Variants in PFKFB4 observed in about 807,000 individuals in gnomAD.
PFKFB4 encodes the protein 6-phosphofructo-2-kinase/fructose-2,6-biphosphatase 4, also known as 6-phosphofructo-2-kinase/fructose-2,6-bisphosphatase 4.
A neutral mutation model predicts 62.8 loss-of-function variants in PFKFB4; 42 were observed. The ratio of observed to expected loss-of-function variants is 0.67; its 90% CI spans 0.52 to 0.86. PFKFB4 has a LOEUF of 0.86. Ranked by LOEUF, PFKFB4 falls within the 40% of genes least tolerant of loss-of-function variation. PFKFB4 has a pLI of 0.00. For missense variants in PFKFB4, 475 were observed against 627.2 expected (o/e 0.76, Z 2.59); for synonymous variants, 204 against 240.7 (o/e 0.85, Z 1.41).
In PFKFB4 at chr3:48,550,055, CT is replaced by C. The variant is rs765685765; in HGVS notation, c.214+62del. ...CCAGGCCAAATAATAGAGAATAGGCCTTCTCTATTCTCTTCGTCATGCCCCA... is the reference window on the plus strand; with the variant it reads ...CCAGGCCAAATAATAGAGAATAGGCCTCTCTATTCTCTTCGTCATGCCCCA... On this transcript the variant is annotated intron_variant, in intron 2 of 13. Coordinates refer to ENST00000232375, the MANE Select transcript of PFKFB4 (RefSeq NM_004567.4). 150 of 1,404,558 alleles carry C rather than the reference CT, an allele frequency of 1.1e-4. 1 individual carries two copies. The highest frequency in any genetic ancestry group is 1.1e-3 in the Middle Eastern group (6 of 5,670). 87.0% of individuals were successfully genotyped at this position (1,404,558 alleles called of 1,614,324 possible). A position where few individuals can be genotyped will look rare whatever the true frequency, so the allele number is the denominator to read the frequency against.
At chr3:48,553,783 C>A (rs948657768) in intron 1 of PFKFB4, among the ~76,000 whole-genome samples, 1 of 152,338 alleles carries the variant, frequency 6.6e-6, no homozygotes, top group Middle Eastern at 3.4e-3. Context: ...AATAAAGTAA[C>A]GTGCCATGGA....
chr3:48,522,998 T>A (rs1377128891), intron 12 of PFKFB4, among the ~76,000 whole-genome samples: 1 of 151,880 alleles, frequency 6.6e-6, no homozygotes, highest in Non-Finnish European at 1.5e-5. Context: ...CTTGACCTCG[T>A]GATCCACCCA....
chr3:48,561,314 G>A (rs1162481417), upstream of PFKFB4: 3 of 278,678 alleles, frequency 1.1e-5, no homozygotes, highest in Non-Finnish European at 2.1e-5. This position sits in a 1 kb window ranked among gnomAD's most constrained non-coding sequence, Gnocchi z 5.2. Context: ...AGCCGGCCAC[G>A]CTGTGGCCAG....
At chr3:48,559,897 ACC>A (rs1491368006), upstream of PFKFB4, 20 of 144,404 alleles carry the variant, frequency 1.4e-4, no homozygotes, top group African/African-American at 7.9e-4. Flanking sequence ...AAACCATCCC[ACC>A]ACACACACAC....
At chr3:48,542,825 G>C (rs1215731624) in intron 4 of PFKFB4, among the ~76,000 whole-genome samples, 2 of 152,090 alleles carry the variant, frequency 1.3e-5, no homozygotes, top group African/African-American at 2.4e-5. Flanking sequence ...CAAATGTGAG[G>C]ATTAAAAAAA....
At chr3:48,540,407 G>A (rs924988000) in intron 4 of PFKFB4, among the ~76,000 whole-genome samples, 3 of 152,158 alleles carry the variant, frequency 2.0e-5, no homozygotes, top group South Asian at 2.1e-4. Flanking sequence ...AGGTGGGGAC[G>A]AAATGGGAGG....
intron 12 of PFKFB4, among the ~76,000 whole-genome samples, chr3:48,523,319 G>A (rs553778673): frequency 6.3e-4 from 96 of 152,302 alleles, no homozygotes; most frequent in African/African-American, 2.1e-3. Flanking sequence ...GGGAGGTGGA[G>A]GTTGTAGTGA....
chr3:48,549,338 A>G (rs569535099), intron 3 of PFKFB4, among the ~76,000 whole-genome samples: 2 of 152,226 alleles, frequency 1.3e-5, no homozygotes, highest in East Asian at 3.9e-4. Flanking sequence ...CATGCTCCAA[A>G]TACACAGGAG....
At position 48,536,460 on chromosome 3, in the gene PFKFB4, G is replaced by A; in HGVS notation, c.636C>T (p.Asp212=). 2 of 1,604,202 alleles carry A rather than the reference G, an allele frequency of 1.2e-6. No individual in the cohort carries two copies. Among genetic ancestry groups the A allele is most frequent in the South Asian group, 1.1e-5 (1 of 90,950 alleles). Residue 212 remains aspartate (D), a synonymous_variant, in exon 8 of 14, where the codon GAC becomes GAT. Transcript: ENST00000232375. ...CATCCATGATCTTGATATAGGACAG[G>A]TCCCTGTCCAGAGAGAAAGTAGAAA... ...YESLDEDLDR[D]LSYIKIMDVG... is the part of the protein sequence containing the mutation.
At chr3:48,559,215 C>T (rs771329541), upstream of PFKFB4, among the ~76,000 whole-genome samples, 2 of 152,256 alleles carry the variant, frequency 1.3e-5, no homozygotes, top group African/African-American at 2.4e-5. Flanking sequence ...CTACCCGTGG[C>T]TGACCCAGGC....
intron 3 of PFKFB4, 119 bp downstream of exon 3, chr3:48,549,745 A>G (rs2043073424): frequency 1.4e-6 from 1 of 713,622 alleles, no homozygotes; most frequent in Admixed American, 2.0e-5. Context: ...GGAGTAGCTC[A>G]GTCATTCACC....
At position 48,534,065 on chromosome 3, in the gene PFKFB4, A is replaced by G. The variant is rs561367388; in HGVS notation, c.987+1447T>C. Among the ~76,000 whole-genome samples the G allele has an allele frequency of 2.0e-5, 3 of 152,366 alleles. No homozygotes were observed. The South Asian group carries it at 6.2e-4, about 32-fold the overall frequency. On this transcript the variant is annotated intron_variant, in intron 9 of 13. Transcript: ENST00000232375. ...ACAAAATGAAATTCCTGGAGCTTCA[A>G]AACACCACATCTGATATGAAAAGTT...
chr3:48,546,053 G>A (rs191853465), intron 3 of PFKFB4, among the ~76,000 whole-genome samples: 1 of 152,198 alleles, frequency 6.6e-6, no homozygotes, highest in African/African-American at 2.4e-5. Context: ...GTGCAAATGG[G>A]GTGAAGAGAT....
chr3:48,522,416 G>A (rs969799213), intron 12 of PFKFB4, among the ~76,000 whole-genome samples: 8 of 152,222 alleles, frequency 5.3e-5, no homozygotes, highest in Non-Finnish European at 7.3e-5. Context: ...CCAGTCAACC[G>A]TGTGCCAGGT....
At chr3:48,539,608 C>G (rs1238157384) in intron 5 of PFKFB4, 89 bp downstream of exon 5, 1 of 1,085,786 alleles carries the variant, frequency 9.2e-7, no homozygotes, top group African/African-American at 1.6e-5. Context: ...GCCCCATGCC[C>G]CTCATGCATA....
chr3:48,557,028 G>C (rs1200964173), upstream of PFKFB4: 1 of 1,250,596 alleles, frequency 8.0e-7, no homozygotes, highest in Non-Finnish European at 1.0e-6. Flanking sequence ...TTCAGGCCAG[G>C]ATCGAGAATG....
chr3:48,528,434 G>T (rs564390303), intron 9 of PFKFB4, among the ~76,000 whole-genome samples: 2 of 152,328 alleles, frequency 1.3e-5, no homozygotes, highest in Admixed American at 1.3e-4. Context: ...GGCCAAGGCA[G>T]GTAGATCTCT....
intron 9 of PFKFB4, among the ~76,000 whole-genome samples, chr3:48,527,185 G>C (rs1014963418): frequency 1.3e-5 from 2 of 151,964 alleles, no homozygotes; most frequent in Middle Eastern, 3.4e-3. Flanking sequence ...CCAGAACTGT[G>C]AGAGAATCAA....
At chr3:48,537,516 CTTTTTTTT>C (rs34454675) in intron 7 of PFKFB4, among the ~76,000 whole-genome samples, 1 of 91,372 alleles carries the variant, frequency 1.1e-5, no homozygotes, top group Non-Finnish European at 2.0e-5. Flanking sequence ...CATGTGCATC[CTTTTTTTT>C]TTTTTTTTTT....
Sources: gnomAD v4.1 joint callset for allele counts (sites outside exome capture counted in the v4.1 genomes callset) on GRCh38, gnomAD v4.1.1 for gene constraint, Gnocchi (gnomAD v3.1) non-coding constraint, MANE v1.5 for transcripts, NCBI Gene and HGNC (gene_info 2026-07-23, HGNC 2026-07-21) for gene names.